NRXN3: variants seen among roughly 807,000 people sequenced by gnomAD.
NRXN3 encodes the protein neurexin 3.
In NRXN3, 32 loss-of-function variants were observed where a neutral mutation model predicts 137.6. That is an observed-to-expected ratio of 0.23 (90% CI 0.18 to 0.31). The LOEUF (loss-of-function observed/expected upper bound fraction) is 0.31, where lower values mean the gene tolerates loss of function less well. Ranked by LOEUF, NRXN3 falls within the 10% of genes least tolerant of loss-of-function variation. NRXN3 has a pLI of 1.00. For missense variants in NRXN3, 1,574 were observed against 2,062.5 expected, an observed-to-expected ratio of 0.76 and a Z score of 4.59; for synonymous variants, 798 against 784.5, an observed-to-expected ratio of 1.02 and a Z score of -0.29.
At chr14:79,434,724 C>T (rs1600233986) in intron 15 of NRXN3, among the ~76,000 whole-genome samples, 1 of 152,164 alleles carries the variant, frequency 6.6e-6, no homozygotes. Flanking sequence ...GAAACAGTTT[C>T]TGAATGAAAG....
intron 15 of NRXN3, among the ~76,000 whole-genome samples, chr14:79,301,277 G>T (rs185189494): frequency 6.6e-6 from 1 of 152,124 alleles, no homozygotes; most frequent in African/African-American, 2.4e-5. Context: ...CTGAGTGTTT[G>T]CCCTGGCAGC....
At chr14:79,065,116 G>A (rs1425997273) in intron 15 of NRXN3, among the ~76,000 whole-genome samples, 1 of 151,776 alleles carries the variant, frequency 6.6e-6, no homozygotes, top group African/African-American at 2.4e-5. Flanking sequence ...ACTAGCATAT[G>A]TTATTTTATG....
At chr14:79,304,959 T>C (rs2085798294) in intron 15 of NRXN3, among the ~76,000 whole-genome samples, 2 of 152,038 alleles carry the variant, frequency 1.3e-5, no homozygotes, top group Admixed American at 1.3e-4. Flanking sequence ...GACATACCCC[T>C]AGGAACATCC....
At chr14:79,751,190 T>C (rs993149406) in intron 19 of NRXN3, among the ~76,000 whole-genome samples, 2 of 152,170 alleles carry the variant, frequency 1.3e-5, no homozygotes, top group Admixed American at 1.3e-4. Flanking sequence ...ATATTGATTC[T>C]TCCTACCCAT....
At chr14:79,856,957 A>C (rs1459442889) in intron 20 of NRXN3, among the ~76,000 whole-genome samples, 1 of 152,184 alleles carries the variant, frequency 6.6e-6, no homozygotes, top group African/African-American at 2.4e-5. Flanking sequence ...CCCAAACTAA[A>C]GAAAAATTCT....
intron 14 of NRXN3, among the ~76,000 whole-genome samples, chr14:78,969,815 G>A (rs1228297278): frequency 3.6e-5 from 1 of 27,566 alleles, no homozygotes; most frequent in Non-Finnish European, 6.0e-5. Flanking sequence ...GTACTATGTA[G>A]TGTGTGTGTG....
Position 79,326,801 on chromosome 14 carries a change from C to T in NRXN3, c.3263-140420C>T, listed in dbSNP as rs760308650. Among the ~76,000 whole-genome samples the T allele has an allele frequency of 2.0e-4, 30 of 152,222 alleles. No homozygotes were observed. The Middle Eastern group carries it at 0.014, about 69-fold the overall frequency. On this transcript the variant is annotated intron_variant, in intron 15 of 20. Transcript: ENST00000335750. ...CAAATATATGTTTTAGTTTTATATA[C>T]GAACAGAGGTTTTAAAAAGATAAAG...
intron 15 of NRXN3, among the ~76,000 whole-genome samples, chr14:79,432,204 T>C (rs2095769558): frequency 6.6e-6 from 1 of 152,178 alleles, no homozygotes; most frequent in South Asian, 2.1e-4. Context: ...GATTATGACA[T>C]CCTAAAATTG....
At chr14:78,234,243 A>G (rs1368068970) in intron 1 of NRXN3, among the ~76,000 whole-genome samples, 1 of 152,196 alleles carries the variant, frequency 6.6e-6, no homozygotes, top group East Asian at 1.9e-4. Flanking sequence ...TTGAGAATGG[A>G]CTAATACATC....
chr14:78,257,324 T>C (rs2069814223), intron 2 of NRXN3, among the ~76,000 whole-genome samples: 1 of 152,236 alleles, frequency 6.6e-6, no homozygotes, highest in South Asian at 2.1e-4. Context: ...TACATGGATA[T>C]CTGTAATGTA....
At position 79,122,197 on chromosome 14, in the gene NRXN3, G is replaced by A. The variant is rs140843712; in HGVS notation, c.3262+134056G>A. Among the ~76,000 whole-genome samples, 36 of 152,308 alleles carry A rather than the reference G, an allele frequency of 2.4e-4. No individual in the cohort carries two copies. The East Asian group carries it at 6.0e-3, about 25-fold the overall frequency. ...AGAAAATTCCTCTGTGGTTGTTAAC[G>A]TGAAGGTTTTCCAGGGGCTTGGGGC... On this transcript the variant is annotated intron_variant, in intron 15 of 20. Transcript: ENST00000335750.
In NRXN3 at chr14:79,308,901, TTTTA is replaced by T. The variant is rs756627963; in HGVS notation, c.3263-158296_3263-158293del. 5.2e-3 allele frequency among the ~76,000 whole-genome samples: 688 copies of T among 132,808 alleles called. 22 individuals are homozygous for T. In the East Asian group the frequency reaches 0.098, roughly 19 times the overall value. The allele number at this position is 132,808 out of a possible 152,430, so 87.1% of individuals were successfully genotyped here. A position where few individuals can be genotyped will look rare whatever the true frequency, so the allele number is the denominator to read the frequency against. On this transcript the variant is annotated intron_variant, in intron 15 of 20. Coordinates refer to ENST00000335750, the MANE Select transcript of NRXN3 (RefSeq NM_001330195.2). Reference sequence around the variant, plus strand: ...TTTTATTTTATTTTATTTTTTTTTATTTTATTTATTTATTTATTTATTTATTTTT... The same window carrying T: ...TTTTATTTTATTTTATTTTTTTTTATTTTATTTATTTATTTATTTATTTTT...
At chr14:78,558,999 TG>T (rs2096763468) in intron 4 of NRXN3, among the ~76,000 whole-genome samples, 1 of 152,246 alleles carries the variant, frequency 6.6e-6, no homozygotes, top group African/African-American at 2.4e-5. Flanking sequence ...TCTCACATTT[TG>T]CCCTAGTGAA....
At chr14:79,062,212 C>T (rs971140842) in intron 15 of NRXN3, among the ~76,000 whole-genome samples, 9 of 152,134 alleles carry the variant, frequency 5.9e-5, no homozygotes, top group Admixed American at 6.5e-5. Context: ...TTGCTTGGAG[C>T]AGCAAGCAGC....
chr14:78,761,077 A>T (rs771713687), intron 8 of NRXN3, among the ~76,000 whole-genome samples: 4 of 152,218 alleles, frequency 2.6e-5, no homozygotes, highest in Non-Finnish European at 5.9e-5. Context: ...ATAGAATGCC[A>T]TATCTAGAAC....
At chr14:78,731,725 G>A (rs2098516747) in intron 8 of NRXN3, among the ~76,000 whole-genome samples, 1 of 149,322 alleles carries the variant, frequency 6.7e-6, no homozygotes, top group African/African-American at 2.5e-5. Flanking sequence ...AGATATATGT[G>A]TATATATATA....
At chr14:79,625,213 C>T (rs1037137146) in intron 16 of NRXN3, among the ~76,000 whole-genome samples, 4 of 152,024 alleles carry the variant, frequency 2.6e-5, no homozygotes, top group Non-Finnish European at 4.4e-5. Flanking sequence ...AAATAATATG[C>T]CATTTAATAT....
chr14:78,178,404 T>G (rs190811093), intron 1 of NRXN3, among the ~76,000 whole-genome samples: 150 of 152,362 alleles, frequency 9.8e-4, no homozygotes, highest in African/African-American at 3.3e-3. Flanking sequence ...GGTTGTCTTT[T>G]GCATGGCACT....
At chr14:79,488,894 G>A (rs1317892710) in intron 16 of NRXN3, among the ~76,000 whole-genome samples, 2 of 152,106 alleles carry the variant, frequency 1.3e-5, no homozygotes, top group African/African-American at 2.4e-5. Context: ...CTTGATCTCG[G>A]AGTCAGAACA....
Sources: allele counts gnomAD v4.1 joint callset (sites outside exome capture counted in the v4.1 genomes callset), GRCh38; gene constraint gnomAD v4.1.1; transcripts MANE v1.5; gene names NCBI Gene and HGNC (gene_info 2026-07-23, HGNC 2026-07-21).